The following NEB variants were observed in gnomAD, a reference collection of about 807,000 sequenced individuals.
NEB encodes nebulin, also known as nemaline myopathy type 2.
Under a neutral mutation model 952.2 loss-of-function variants are expected in NEB, and 512 were observed. The ratio of observed to expected loss-of-function variants is 0.54; its 90% CI spans 0.50 to 0.58. The LOEUF is 0.58. NEB is among the 20% of genes least tolerant of loss of function. NEB has a pLI of 0.00. For missense variants in NEB, 8,428 were observed against 9,231.1 expected, an observed-to-expected ratio of 0.91 and a Z score of 3.56; for synonymous variants, 2,900 against 3,149.8, an observed-to-expected ratio of 0.92 and a Z score of 2.66.
chr2:151,612,223 A>C lies in NEB; in HGVS notation c.11768T>G (p.Ile3923Ser). Reference protein sequence around the residue: ...KFTCITDTPEIVLAKNNALTM... With the variant: ...KFTCITDTPESVLAKNNALTM... ...CAGGGCATTATTCTTTGCTAGGACAATTTCCGGAGTGTCGGTAATGCATGT... is the reference window on the plus strand; with the variant it reads ...CAGGGCATTATTCTTTGCTAGGACACTTTCCGGAGTGTCGGTAATGCATGT... Residue 3923 changes from isoleucine (I) to serine (S), a missense_variant, in exon 78 of 182, where the codon ATT (isoleucine) becomes AGT (serine). Ile to Ser is a moderately radical substitution (Grantham distance 142). Coordinates refer to ENST00000397345, the MANE Select transcript of NEB (RefSeq NM_001164508.2). 1 of 1,613,792 alleles carries C rather than the reference A, an allele frequency of 6.2e-7. No homozygotes were observed. Among genetic ancestry groups the C allele is most frequent in the Non-Finnish European group, 8.5e-7 (1 of 1,179,824 alleles).
At chr2:151,716,207 T>C (rs543484495) in intron 10 of NEB, 4 of 393,072 alleles carry the variant, frequency 1.0e-5, no homozygotes, top group South Asian at 3.9e-5. Context: ...GGCACAATCT[T>C]GGCTCACTGC....
At chr2:151,537,549 T>C (rs1255388205) in intron 140 of NEB, among the ~76,000 whole-genome samples, 1 of 152,194 alleles carries the variant, frequency 6.6e-6, no homozygotes, top group Admixed American at 6.5e-5. Flanking sequence ...TAAGTGAGCA[T>C]TGTTATGTGT....
At chr2:151,623,519 A>AT (rs1377640078) in intron 71 of NEB, among the ~76,000 whole-genome samples, 6 of 152,184 alleles carry the variant, frequency 3.9e-5, no homozygotes, top group Non-Finnish European at 7.4e-5. Context: ...TAGTATCTGG[A>AT]TTTTAAATAT....
chr2:151,493,131 G>A, intron 176 of NEB: 1 of 496,708 alleles, frequency 2.0e-6, no homozygotes, highest in Non-Finnish European at 3.6e-6. Flanking sequence ...TAGTATGATG[G>A]TTTGGAATGT....
At chr2:151,682,126 C>T (rs1413422227) in intron 29 of NEB, among the ~76,000 whole-genome samples, 1 of 151,930 alleles carries the variant, frequency 6.6e-6, no homozygotes, top group Non-Finnish European at 1.5e-5. Flanking sequence ...GTGAAAGAAG[C>T]CAGATACAAA....
In NEB at chr2:151,725,571, T is replaced by C. The variant is rs1433024989; in HGVS notation, c.295-11A>G. On this transcript the variant is annotated splice_polypyrimidine_tract_variant and intron_variant, in intron 5 of 181. Transcript: ENST00000397345. ...CTCCTTGTATTTATTCTGAAAAGAA[T>C]ATCAGATATTAGCCTAACAAGACAG... 5.0e-6 allele frequency: 8 copies of C among 1,603,354 alleles called. No homozygotes were observed. The Admixed American group carries it at 1.0e-4, about 20-fold the overall frequency.
At position 151,563,703 on chromosome 2, in the gene NEB, G is replaced by GTCTCTT. The variant is rs1559974034; in HGVS notation, c.18590_18595dup (p.Lys6197_Glu6198dup). ...GTAGTGACCTTTCTGCTTCTCATATGTCTCTTTGTATTTAAGCTGTAAAGT... is the reference window on the plus strand; with the variant it reads ...GTAGTGACCTTTCTGCTTCTCATATGTCTCTTTCTCTTTGTATTTAAGCTGTAAAGT... On this transcript the variant is annotated inframe_insertion, in exon 119 of 182. Coordinates refer to ENST00000397345, the MANE Select transcript of NEB (RefSeq NM_001164508.2). The GTCTCTT allele has an allele frequency of 4.3e-6, 7 of 1,613,628 alleles. No homozygotes were observed. The South Asian group carries it at 7.7e-5, about 18-fold the overall frequency.
In NEB at chr2:151,562,189, C is replaced by A. The variant is rs1460835324; in HGVS notation, c.18917G>T (p.Trp6306Leu). 1.9e-6 allele frequency: 3 copies of A among 1,613,096 alleles called. No individual in the cohort carries two copies. The highest frequency in any genetic ancestry group is 2.7e-5 in the African/African-American group (2 of 75,000). ...AACGTAGCAACCAATGCCTTTCAAC[C>A]AATTCAGGTCATCTTTATACACATT... The part of the protein sequence containing the change: ...SDNVYKDDLN[W>L]LKGIGCYVWD... The change falls in exon 121 of 182, where the codon TGG becomes TTG. Residue 6306 changes from tryptophan (W) to leucine (L), a missense_variant. By Grantham distance (61) the Trp-to-Leu change is moderately conservative. This residue lies in a region of NEB where 3,374 missense variants were observed against 3,651.5 expected (regional missense o/e 0.92). Coordinates refer to ENST00000397345, the MANE Select transcript of NEB (RefSeq NM_001164508.2).
At position 151,503,371 on chromosome 2, in the gene NEB, C is replaced by T. The variant is rs777240246; in HGVS notation, c.23813G>A (p.Arg7938His). ...TACCGAGCTAAAGTTCTCTTGATTGCGTTTGACTCTCTCAATCTCTGGAGT... is the reference window on the plus strand; with the variant it reads ...TACCGAGCTAAAGTTCTCTTGATTGTGTTTGACTCTCTCAATCTCTGGAGT... ...TVTPEIERVK[R>H]NQENFSSVLY... Residue 7938 changes from arginine (R) to histidine (H), a missense_variant, in exon 166 of 182, where the codon CGC (arginine) becomes CAC (histidine). Around this residue, in one of 11 missense-constraint regions of NEB, gnomAD observed 3,374 missense variants for 3,651.5 expected, o/e 0.92. Coordinates refer to ENST00000397345, the MANE Select transcript of NEB (RefSeq NM_001164508.2). The T allele has an allele frequency of 3.7e-6, 6 of 1,611,442 alleles. No homozygotes were observed. Among genetic ancestry groups the T allele is most frequent in the East Asian group, 2.2e-5 (1 of 44,818 alleles).
intron 45 of NEB, among the ~76,000 whole-genome samples, chr2:151,662,784 C>A (rs892164266): frequency 6.6e-6 from 1 of 152,152 alleles, no homozygotes; most frequent in African/African-American, 2.4e-5. Context: ...CAACCACCAC[C>A]ATTACAATTC....
At chr2:151,498,802 A>C (rs956148054) in intron 169 of NEB, among the ~76,000 whole-genome samples, 1 of 152,186 alleles carries the variant, frequency 6.6e-6, no homozygotes, top group Non-Finnish European at 1.5e-5. Flanking sequence ...GTTCACTTTC[A>C]AAAGAAGTCA....
At chr2:151,572,570 G>C (rs1429240085) in intron 107 of NEB, among the ~76,000 whole-genome samples, 39 of 137,472 alleles carry the variant, frequency 2.8e-4, no homozygotes, top group African/African-American at 8.9e-4. Flanking sequence ...TTTTTTGACA[G>C]AGTCTCGCTC....
intron 57 of NEB, among the ~76,000 whole-genome samples, chr2:151,643,615 T>C (rs1167071755): frequency 1.3e-5 from 2 of 152,182 alleles, no homozygotes; most frequent in African/African-American, 4.8e-5. Flanking sequence ...AGCTCGACAA[T>C]CTAGAGGCTT....
chr2:151,496,073 A>G (rs2059982944), intron 173 of NEB, among the ~76,000 whole-genome samples: 1 of 152,178 alleles, frequency 6.6e-6, no homozygotes, highest in Non-Finnish European at 1.5e-5. Flanking sequence ...TTACTTCTTG[A>G]TATTAGAACT....
chr2:151,692,330 C>T lies in NEB; in HGVS notation c.1929G>A (p.Lys643=), dbSNP rs1400153906. 6.2e-7 allele frequency: 1 copy of T among 1,612,648 alleles called. No homozygotes were observed. The highest frequency in any genetic ancestry group is 8.5e-7 in the Non-Finnish European group (1 of 1,179,114). ...RLYKENYEKT[K]AKSMNYCETP... ...TCTCACAGTAATTCATACTCTTTGC[C>T]TTTGTCTTCTCATAGTTTTCCTTGT... The change falls in exon 21 of 182, where the codon AAG becomes AAA. Residue 643 remains lysine, a synonymous_variant. Transcript: ENST00000397345.
chr2:151,611,386 T>C (rs1016108976), intron 78 of NEB, among the ~76,000 whole-genome samples: 6 of 152,174 alleles, frequency 3.9e-5, no homozygotes, highest in Admixed American at 3.9e-4. Context: ...TACTCAACGA[T>C]TTTTTGGTGA....
intron 150 of NEB, among the ~76,000 whole-genome samples, chr2:151,525,484 T>C (rs1006939372): frequency 6.6e-6 from 1 of 152,204 alleles, no homozygotes; most frequent in African/African-American, 2.4e-5. Context: ...AGAACCTGGG[T>C]AGAGGCAAAT....
At position 151,643,360 on chromosome 2, in the gene NEB, G is replaced by C. The variant is rs752536311; in HGVS notation, c.7957-7C>G. 6.3e-7 allele frequency: 1 copy of C among 1,592,154 alleles called. No homozygotes were observed. The highest frequency in any genetic ancestry group is 8.6e-7 in the Non-Finnish European group (1 of 1,166,428). On this transcript the variant is annotated splice_region_variant and splice_polypyrimidine_tract_variant and intron_variant, in intron 57 of 181. Coordinates refer to ENST00000397345, the MANE Select transcript of NEB (RefSeq NM_001164508.2). ...GGTCTGACTTGTACAAATTCTGAAA[G>C]TGCAAGTGACAAATTTGTCATAATT...
Position 151,545,844 on chromosome 2 carries a change from C to T in NEB, c.20577+44G>A, listed in dbSNP as rs774139435. ...GCCTTGTGGAGTAATTCAGTTTGTA[C>T]TGGTCAATTTGATTGACTTCAATGA... On this transcript the variant is annotated intron_variant, in intron 135 of 181. Transcript: ENST00000397345. The T allele has an allele frequency of 4.9e-6, 6 of 1,224,908 alleles. No homozygotes were observed. In the South Asian group the frequency reaches 6.5e-5, roughly 13 times the overall value. 75.9% of individuals were successfully genotyped at this position (1,224,908 alleles called of 1,614,324 possible). A position where few individuals can be genotyped will look rare whatever the true frequency, so the allele number is the denominator to read the frequency against.
Sources: gnomAD v4.1 joint callset for allele counts (sites outside exome capture counted in the v4.1 genomes callset) on GRCh38, gnomAD v4.1.1 for gene constraint, gnomAD v4.1.1 regional missense constraint, MANE v1.5 for transcripts, NCBI Gene and HGNC (gene_info 2026-07-23, HGNC 2026-07-21) for gene names.